The following MYRIP variants were observed in gnomAD, a reference collection of about 807,000 sequenced individuals.
MYRIP encodes the protein rab effector MyRIP.
Under a neutral mutation model 98.0 loss-of-function variants are expected in MYRIP, and 49 were observed. The ratio of observed to expected loss-of-function variants is 0.50; its 90% CI spans 0.40 to 0.63. The LOEUF (loss-of-function observed/expected upper bound fraction) is 0.63, where lower values mean the gene tolerates loss of function less well. Ranked by LOEUF, MYRIP falls within the 30% of genes least tolerant of loss-of-function variation. MYRIP has a pLI of 0.00. For synonymous variants in MYRIP, 404 were observed against 409.5 expected (o/e 0.99, Z 0.16); for missense variants, 1,004 against 1,058.2 (o/e 0.95, Z 0.71).
At chr3:39,881,197 A>G (rs796960509) in intron 1 of MYRIP, among the ~76,000 whole-genome samples, 63 of 151,636 alleles carry the variant, frequency 4.2e-4, no homozygotes, top group African/African-American at 1.5e-3. Context: ...GTTTTCTTCA[A>G]CTCTGAGCAT....
chr3:39,858,591 T>A (rs1213208152), intron 1 of MYRIP, among the ~76,000 whole-genome samples: 1 of 152,094 alleles, frequency 6.6e-6, no homozygotes, highest in Non-Finnish European at 1.5e-5. Flanking sequence ...AAATAGACAT[T>A]CTTTCCAAGG....
chr3:39,819,709 A>T (rs76712404), intron 1 of MYRIP, among the ~76,000 whole-genome samples: 147 of 152,364 alleles, frequency 9.6e-4, no homozygotes, highest in East Asian at 8.1e-3. Context: ...AGGAAATGGC[A>T]GTGAGGTGGA....
chr3:40,178,450 G>A (rs1950815994), intron 8 of MYRIP, among the ~76,000 whole-genome samples: 2 of 152,174 alleles, frequency 1.3e-5, no homozygotes, highest in South Asian at 2.1e-4. Flanking sequence ...AGGCTGTCAG[G>A]CACACACCAA....
At chr3:39,964,129 T>A (rs998512025) in intron 2 of MYRIP, among the ~76,000 whole-genome samples, 1 of 152,150 alleles carries the variant, frequency 6.6e-6, no homozygotes, top group Non-Finnish European at 1.5e-5. Context: ...GCATTTAAAA[T>A]GGGAAAATAT....
At chr3:40,093,116 T>A (rs1290760785) in intron 3 of MYRIP, among the ~76,000 whole-genome samples, 6 of 151,854 alleles carry the variant, frequency 4.0e-5, no homozygotes, top group Non-Finnish European at 1.5e-5. Flanking sequence ...AAGCATAGGG[T>A]TTTATTAGGG....
chr3:40,168,873 T>C (rs529988844), intron 7 of MYRIP, among the ~76,000 whole-genome samples: 1 of 152,322 alleles, frequency 6.6e-6, no homozygotes, highest in Admixed American at 6.5e-5. Context: ...AGAGTCACAC[T>C]AGAAAGTGCC....
chr3:40,106,674 T>C (rs1353926469), intron 3 of MYRIP, among the ~76,000 whole-genome samples: 1 of 152,176 alleles, frequency 6.6e-6, no homozygotes, highest in Non-Finnish European at 1.5e-5. Flanking sequence ...AAGTCCCCCA[T>C]TATGCTTTTT....
At chr3:39,952,154 T>A (rs975889394) in intron 2 of MYRIP, among the ~76,000 whole-genome samples, 3 of 152,202 alleles carry the variant, frequency 2.0e-5, no homozygotes, top group African/African-American at 4.8e-5. Context: ...TAATACATCA[T>A]CTTTTGCACA....
chr3:39,959,674 TA>T (rs11310709), intron 2 of MYRIP, among the ~76,000 whole-genome samples: 14,216 of 142,528 alleles, frequency 0.1, 1,582 homozygotes, highest in African/African-American at 0.28. Context: ...AAGTATACTT[TA>T]AAAAAAAAAA....
At chr3:40,068,859 A>C (rs894367618) in intron 3 of MYRIP, among the ~76,000 whole-genome samples, 46 of 152,214 alleles carry the variant, frequency 3.0e-4, no homozygotes, top group African/African-American at 8.9e-4. Flanking sequence ...GCAGGGCGGA[A>C]CATTCATATC....
intron 2 of MYRIP, among the ~76,000 whole-genome samples, chr3:39,993,800 CTG>C (rs2125774695): frequency 6.6e-6 from 1 of 152,214 alleles, no homozygotes; most frequent in Non-Finnish European, 1.5e-5. Context: ...CAGTAATTCT[CTG>C]TGTTTCAGGG....
At chr3:40,095,058 C>T (rs961569230) in intron 3 of MYRIP, among the ~76,000 whole-genome samples, 3 of 152,150 alleles carry the variant, frequency 2.0e-5, no homozygotes, top group Non-Finnish European at 2.9e-5. Flanking sequence ...CTGATTCAAG[C>T]AAGACCCATT....
intron 2 of MYRIP, among the ~76,000 whole-genome samples, chr3:40,033,423 A>G (rs2125820809): frequency 6.6e-6 from 1 of 152,230 alleles, no homozygotes; most frequent in African/African-American, 2.4e-5. Context: ...TTATACACCA[A>G]TAACAGACAA....
chr3:40,227,586 G>GA (rs1042422952), intron 11 of MYRIP, among the ~76,000 whole-genome samples: 2 of 151,962 alleles, frequency 1.3e-5, no homozygotes, highest in African/African-American at 4.8e-5. Context: ...TTTGGCAAAA[G>GA]AAAAAACAAG....
chr3:39,877,773 A>G (rs1943040958), intron 1 of MYRIP, among the ~76,000 whole-genome samples: 1 of 152,152 alleles, frequency 6.6e-6, no homozygotes, highest in Admixed American at 6.5e-5. Context: ...CCTCCCAGTT[A>G]GGCTGCTCGG....
chr3:39,972,675 C>T (rs9862625), intron 2 of MYRIP, among the ~76,000 whole-genome samples: 29,351 of 151,906 alleles, frequency 0.19, 5,528 homozygotes, highest in African/African-American at 0.49. Context: ...CAGATTAAAA[C>T]GGTAACACAT....
intron 8 of MYRIP, among the ~76,000 whole-genome samples, chr3:40,181,602 T>C (rs1189927790): frequency 1.3e-5 from 2 of 152,200 alleles, no homozygotes; most frequent in Non-Finnish European, 2.9e-5. Context: ...AGAAAAACTT[T>C]AGTCTCTTTC....
At chr3:39,867,915 T>C (rs138367940) in intron 1 of MYRIP, among the ~76,000 whole-genome samples, 1 of 152,136 alleles carries the variant, frequency 6.6e-6, no homozygotes, top group Non-Finnish European at 1.5e-5. Flanking sequence ...CATCAGCAGA[T>C]GAATGGATGA....
At chr3:39,869,758 C>T (rs1942728500) in intron 1 of MYRIP, among the ~76,000 whole-genome samples, 1 of 152,218 alleles carries the variant, frequency 6.6e-6, no homozygotes, top group Non-Finnish European at 1.5e-5. Context: ...AACCAAGGTA[C>T]TATCCCCTCC....
Sources: gnomAD v4.1 joint callset for allele counts (sites outside exome capture counted in the v4.1 genomes callset) on GRCh38, gnomAD v4.1.1 for gene constraint, MANE v1.5 for transcripts, NCBI Gene and HGNC (gene_info 2026-07-23, HGNC 2026-07-21) for gene names.